The following FHOD1 variants were observed in gnomAD, a reference collection of about 807,000 sequenced individuals.
The protein encoded by FHOD1 is formin homology 2 domain containing 1.
FHOD1 carries 89 observed loss-of-function variants against 111.6 expected under a neutral mutation model. The ratio of observed to expected loss-of-function variants is 0.80; its 90% confidence interval spans 0.67 to 0.95. The LOEUF (loss-of-function observed/expected upper bound fraction) is 0.95. FHOD1 is among the 40% of genes least tolerant of loss of function. The pLI is 0.00. For missense variants in FHOD1, 1,446 were observed against 1,554.2 expected (o/e 0.93, Z 1.17); for synonymous variants, 618 against 639.0 (o/e 0.97, Z 0.50).
Position 67,237,148 on chromosome 16 carries a change from T to C in FHOD1, c.994-34A>G, listed in dbSNP as rs756121743. 4 of 1,602,764 alleles carry C rather than the reference T, an allele frequency of 2.5e-6. No homozygotes were observed. Among genetic ancestry groups the C allele is most frequent in the Non-Finnish European group, 3.4e-6 (4 of 1,173,328 alleles). Reference sequence around the variant, plus strand: ...GGCGGACCAGGATGTAAGAAAGTGGTTAACGTGTATGCAGGTGGGGTGGGG... The same window carrying C: ...GGCGGACCAGGATGTAAGAAAGTGGCTAACGTGTATGCAGGTGGGGTGGGG... On this transcript the variant is annotated intron_variant, in intron 9 of 21. Coordinates refer to ENST00000258201, the MANE Select transcript of FHOD1 (RefSeq NM_013241.3). The surrounding 1 kb of genome is among the most constrained non-coding windows in gnomAD (Gnocchi z 5.6).
At chr16:67,246,551 G>T (rs368894815) in intron 1 of FHOD1, among the ~76,000 whole-genome samples, 1 of 152,188 alleles carries the variant, frequency 6.6e-6, no homozygotes, top group Non-Finnish European at 1.5e-5. Context: ...TTTCAGGCGC[G>T]GGCCGATGGG....
rs2034271208 is a variant in FHOD1, at chr16:67,231,532, C to T, written c.2403G>A (p.Leu801=). 2 of 1,614,196 alleles carry T rather than the reference C, an allele frequency of 1.2e-6. No homozygotes were observed. Among genetic ancestry groups the T allele is most frequent in the Non-Finnish European group, 1.7e-6 (2 of 1,180,030 alleles). The change falls in exon 16 of 22, where the codon CTG becomes CTA. Residue 801 remains leucine, a synonymous_variant. Coordinates refer to ENST00000258201, the MANE Select transcript of FHOD1 (RefSeq NM_013241.3). This position sits in a 1 kb window ranked among gnomAD's most constrained non-coding sequence, Gnocchi z 4.3. ...DSMEREIAEP[L]FDLKVGMEQL... is the part of the protein sequence containing the mutation. ...GTTCCATACCCACTTTCAGGTCAAA[C>T]AGTGGCTCAGCAATTTCCTGGTATG... is the stretch of plus-strand genomic sequence containing the variant.
chr16:67,229,899 A>G lies in FHOD1; in HGVS notation c.3306T>C (p.Asp1102=). 6.2e-7 allele frequency: 1 copy of G among 1,614,224 alleles called. No homozygotes were observed. Reference sequence around the variant, plus strand: ...GAAGGTCCATGATCTCATCTGATGTATCACTGGGTAAACTGGAGCCTGGGG... The same window carrying G: ...GAAGGTCCATGATCTCATCTGATGTGTCACTGGGTAAACTGGAGCCTGGGG... The part of the protein sequence containing the change: ...EEPPGSSLPS[D]TSDEIMDLLV... The change falls in exon 21 of 22, where the codon GAT becomes GAC. Residue 1102 remains aspartate, a synonymous_variant. Transcript: ENST00000258201.
chr16:67,231,425 C>T lies in FHOD1; in HGVS notation c.2505+5G>A. 1.9e-6 allele frequency: 3 copies of T among 1,614,170 alleles called. No homozygotes were observed. Among genetic ancestry groups the T allele is most frequent in the Non-Finnish European group, 2.5e-6 (3 of 1,180,018 alleles). On this transcript the variant is annotated splice_donor_5th_base_variant and intron_variant, in intron 16 of 21. Transcript: ENST00000258201. The surrounding 1 kb of genome is among the most constrained non-coding windows in gnomAD (Gnocchi z 4.3). ...TCCCCCTAGTCCCCATGTACTCTCACTCACCTGGGAGCCATTGAGGAAGTT... is the reference window on the plus strand; with the variant it reads ...TCCCCCTAGTCCCCATGTACTCTCATTCACCTGGGAGCCATTGAGGAAGTT...
chr16:67,237,394 G>A lies in FHOD1; in HGVS notation c.850-12C>T, dbSNP rs2034529161. 3 of 1,613,762 alleles carry A rather than the reference G, an allele frequency of 1.9e-6. No individual in the cohort carries two copies. The highest frequency in any genetic ancestry group is 2.7e-5 in the African/African-American group (2 of 75,046). ...AGCGCCGCCAGCGTCTGGAGGGCGG[G>A]GATAAGAAGGCAAGGCTGAGGTTGG... is the stretch of plus-strand genomic sequence containing the variant. On this transcript the variant is annotated splice_polypyrimidine_tract_variant and intron_variant, in intron 8 of 21. Transcript: ENST00000258201. This position sits in a 1 kb window ranked among gnomAD's most constrained non-coding sequence, Gnocchi z 5.6.
rs1369641015 is a variant in FHOD1, at chr16:67,238,713, G to C, written c.373+190C>G. The stretch of plus-strand genomic sequence containing the variant: ...ATTGGAGGCATGAGCTACCACGCCT[G>C]GTCTATTCTAACATTCTTGAATCCC... On this transcript the variant is annotated intron_variant, in intron 3 of 21. Coordinates refer to ENST00000258201, the MANE Select transcript of FHOD1 (RefSeq NM_013241.3). The surrounding 1 kb of genome is among the most constrained non-coding windows in gnomAD (Gnocchi z 4.2). 1 of 669,342 alleles carries C rather than the reference G, an allele frequency of 1.5e-6. No homozygotes were observed. Among genetic ancestry groups the C allele is most frequent in the East Asian group, 2.7e-5 (1 of 36,738 alleles). The allele number at this position is 669,342 out of a possible 1,614,324, so 41.5% of individuals were successfully genotyped here.
chr16:67,239,156 G>A (rs900361426), intron 2 of FHOD1, among the ~76,000 whole-genome samples, 189 bp from the exon 3 acceptor site: 18 of 152,176 alleles, frequency 1.2e-4, no homozygotes. Flanking sequence ...AGGTATGTGG[G>A]AGAGCCCCTA....
chr16:67,239,029 C>T, intron 2 of FHOD1, 62 bp from the exon 3 acceptor site: 1 of 1,543,820 alleles, frequency 6.5e-7, no homozygotes, highest in Non-Finnish European at 8.9e-7. Flanking sequence ...TCCCCACAAG[C>T]CAAGGGAGCC....
rs1385875084 is a variant in FHOD1, at chr16:67,232,030, T to G, written c.2202+9A>C. 3.1e-6 allele frequency: 5 copies of G among 1,613,928 alleles called. No homozygotes were observed. Among genetic ancestry groups the G allele is most frequent in the Non-Finnish European group, 4.2e-6 (5 of 1,179,946 alleles). ...CCTCCCCCCAACACCCATAGCTGGG[T>G]GACCTCACCTCAATGCCATCCTTGC... On this transcript the variant is annotated intron_variant, in intron 14 of 21. Transcript: ENST00000258201.
chr16:67,230,328 G>C lies in FHOD1; in HGVS notation c.3037C>G (p.Arg1013Gly). Residue 1013 changes from arginine (R) to glycine (G), a missense_variant, in exon 19 of 22, where the codon CGC (arginine) becomes GGC (glycine). By Grantham distance (125) the Arg-to-Gly change is moderately radical (BLOSUM62 -2). Coordinates refer to ENST00000258201, the MANE Select transcript of FHOD1 (RefSeq NM_013241.3). Reference sequence around the variant, plus strand: ...AGGGCACCCACCTCGGTGATCATGCGTCCCCGGGTCTTGTTGCGCTCACGG... The same window carrying C: ...AGGGCACCCACCTCGGTGATCATGCCTCCCCGGGTCTTGTTGCGCTCACGG... ...TYRERNKTRG[R>G]MITETEKFSG... 1 of 1,614,232 alleles carries C rather than the reference G, an allele frequency of 6.2e-7. No homozygotes were observed. The highest frequency in any genetic ancestry group is 8.5e-7 in the Non-Finnish European group (1 of 1,180,032).
At chr16:67,242,226 C>G (rs1220522516) in intron 1 of FHOD1, among the ~76,000 whole-genome samples, 3 of 152,224 alleles carry the variant, frequency 2.0e-5, no homozygotes, top group African/African-American at 7.2e-5. Flanking sequence ...GCCTCTGCCT[C>G]TCAAAGTGCT....
chr16:67,230,362 C>T lies in FHOD1; in HGVS notation c.3003G>A (p.Gln1001=). ...TCTTGTTGCGCTCACGGTATGTGGCCTGCTTCTGCTGCTGCTGTAGCACTC... is the reference window on the plus strand; with the variant it reads ...TCTTGTTGCGCTCACGGTATGTGGCTTGCTTCTGCTGCTGCTGTAGCACTC... The part of the protein sequence containing the change: ...RERVLQQQQK[Q]ATYRERNKTR... The change falls in exon 19 of 22, where the codon CAG becomes CAA. Residue 1001 remains glutamine, a synonymous_variant. Transcript: ENST00000258201. The T allele has an allele frequency of 6.2e-7, 1 of 1,614,246 alleles. No individual in the cohort carries two copies. The highest frequency in any genetic ancestry group is 8.5e-7 in the Non-Finnish European group (1 of 1,180,032).
chr16:67,236,764 C>A, intron 10 of FHOD1, 31 bp from the exon 11 acceptor site: 1 of 1,457,402 alleles, frequency 6.9e-7, no homozygotes. Flanking sequence ...TGGGGCGGGG[C>A]CTGAGAAGCT....
rs941828768 is a variant in FHOD1, at chr16:67,229,504, G to A, written c.*132C>T. 4 of 779,790 alleles carry A rather than the reference G, an allele frequency of 5.1e-6. No individual in the cohort carries two copies. Among genetic ancestry groups the A allele is most frequent in the Admixed American group, 2.0e-5 (1 of 50,032 alleles). The allele number at this position is 779,790 out of a possible 1,614,324, so 48.3% of individuals were successfully genotyped here. ...CACACACTCACATGCATACACACAC[G>A]GCTAATACTGCTCAAGGCATGGCTC... is the stretch of plus-strand genomic sequence containing the variant. On this transcript the variant is annotated 3_prime_UTR_variant, in exon 22 of 22. Transcript: ENST00000258201.
Position 67,237,253 on chromosome 16 carries a change from G to C in FHOD1, c.979C>G (p.Leu327Val). 2 of 1,613,664 alleles carry C rather than the reference G, an allele frequency of 1.2e-6. No individual in the cohort carries two copies. The highest frequency in any genetic ancestry group is 2.7e-5 in the African/African-American group (2 of 75,070). ...AGTDVDLRTQ[L>V]VLYENALKLE... ...GCCCGGCCCACCTCGTAGAGCACAA[G>C]CTGCGTGCGCAGGTCGACGTCAGTG... is the stretch of plus-strand genomic sequence containing the variant. Residue 327 changes from leucine (L) to valine (V), a missense_variant, in exon 9 of 22, where the codon CTT (leucine) becomes GTT (valine). Coordinates refer to ENST00000258201, the MANE Select transcript of FHOD1 (RefSeq NM_013241.3). This position sits in a 1 kb window ranked among gnomAD's most constrained non-coding sequence, Gnocchi z 5.6.
intron 1 of FHOD1, among the ~76,000 whole-genome samples, chr16:67,241,259 A>G (rs966229758): frequency 1.3e-5 from 2 of 151,988 alleles, no homozygotes; most frequent in African/African-American, 2.4e-5. Context: ...CTGGGAGCAG[A>G]GTCATCTTCT....
intron 1 of FHOD1, among the ~76,000 whole-genome samples, chr16:67,241,554 C>T (rs1340496404): frequency 6.6e-6 from 1 of 152,248 alleles, no homozygotes; most frequent in East Asian, 1.9e-4. Flanking sequence ...TTTGAACATT[C>T]ATGACCAGGC....
Position 67,239,995 on chromosome 16 carries a change from AT to A in FHOD1, c.202-542del, listed in dbSNP as rs376645754. Among the ~76,000 whole-genome samples the A allele has an allele frequency of 4.1e-3, 627 of 152,330 alleles. 4 individuals carry two copies. Among genetic ancestry groups the A allele is most frequent in the South Asian group, 6.6e-3 (32 of 4,826 alleles). On this transcript the variant is annotated intron_variant, in intron 1 of 21. Coordinates refer to ENST00000258201, the MANE Select transcript of FHOD1 (RefSeq NM_013241.3). ...TCACAGCCCTGTGGGGTGATAAGCT[AT>A]AGTCACAAAGCATTAAGCCCCAGAA...
chr16:67,231,754 G>T lies in FHOD1; in HGVS notation c.2268C>A (p.Asn756Lys), dbSNP rs775888417. 6.2e-7 allele frequency: 1 copy of T among 1,614,024 alleles called. No homozygotes were observed. Among genetic ancestry groups the T allele is most frequent in the South Asian group, 1.1e-5 (1 of 91,072 alleles). The change falls in exon 15 of 22, where the codon AAC becomes AAA. Residue 756 changes from asparagine to lysine, a missense_variant. Asn to Lys is a moderately conservative substitution (Grantham distance 94, BLOSUM62 0). Transcript: ENST00000258201. This position sits in a 1 kb window ranked among gnomAD's most constrained non-coding sequence, Gnocchi z 4.3. ...CGGCTGGGCCCAGGGGTATGTCAGG[G>T]TTGGCCAGCTGGGCTTCCTCAATCT... ...RQKIEEAQLA[N>K]PDIPLGPAEN...
Sources: allele counts gnomAD v4.1 joint callset (sites outside exome capture counted in the v4.1 genomes callset), GRCh38; gene constraint gnomAD v4.1.1; non-coding constraint Gnocchi (gnomAD v3.1); transcripts MANE v1.5; gene names NCBI Gene and HGNC (gene_info 2026-07-23, HGNC 2026-07-21).